The following TMEM266 variants were observed in gnomAD, a reference collection of about 807,000 sequenced individuals.
The protein encoded by TMEM266 is Hv1 related protein 1.
A neutral mutation model predicts 50.5 loss-of-function variants in TMEM266; 33 were observed. The observed-to-expected ratio is 0.65, with a 90% CI of 0.50 to 0.87. The LOEUF (loss-of-function observed/expected upper bound fraction) is 0.87. Ranked by LOEUF, TMEM266 falls within the 40% of genes least tolerant of loss-of-function variation. TMEM266 has a pLI of 0.00. For synonymous variants in TMEM266, 310 were observed against 292.3 expected (o/e 1.06, Z -0.62); for missense variants, 655 against 695.1 (o/e 0.94, Z 0.65).
intron 1 of TMEM266, among the ~76,000 whole-genome samples, chr15:76,130,826 T>A (rs1022708022): frequency 1.3e-5 from 2 of 152,136 alleles, no homozygotes; most frequent in Non-Finnish European, 2.9e-5. Flanking sequence ...AAAGTTAAAT[T>A]AAAAAAAATT....
intron 3 of TMEM266, among the ~76,000 whole-genome samples, chr15:76,148,646 G>T (rs1367703770): frequency 2.0e-5 from 3 of 152,144 alleles, no homozygotes; most frequent in Admixed American, 6.5e-5. Flanking sequence ...CCCCAAGAAG[G>T]GACAGCCAAT....
chr15:76,112,318 A>G (rs1360296155), intron 1 of TMEM266, among the ~76,000 whole-genome samples: 2 of 152,254 alleles, frequency 1.3e-5, no homozygotes, highest in South Asian at 2.1e-4. Flanking sequence ...CAATGTATCA[A>G]TATTGGTTCA....
chr15:76,127,016 A>T (rs963896893), intron 1 of TMEM266, among the ~76,000 whole-genome samples: 1 of 152,182 alleles, frequency 6.6e-6, no homozygotes, highest in Non-Finnish European at 1.5e-5. Flanking sequence ...TGTGACTAAT[A>T]ATGGTTAATA....
At chr15:76,171,696 G>T (rs1376315552) in intron 7 of TMEM266, among the ~76,000 whole-genome samples, 2 of 152,222 alleles carry the variant, frequency 1.3e-5, no homozygotes, top group Non-Finnish European at 2.9e-5. Context: ...GTCATCTTTA[G>T]TGACGTGCCT....
chr15:76,088,199 T>A (rs2047415), intron 1 of TMEM266, among the ~76,000 whole-genome samples: 125,686 of 152,210 alleles, frequency 0.83, 52,006 homozygotes, highest in Admixed American at 0.87. Context: ...GATACCAATA[T>A]GTAAAACATA....
intron 8 of TMEM266, among the ~76,000 whole-genome samples, chr15:76,182,421 G>A (rs2038428202): frequency 6.6e-6 from 1 of 151,970 alleles, no homozygotes; most frequent in Non-Finnish European, 1.5e-5. Context: ...CAGATCACGA[G>A]GTCAGGAGGT....
intron 1 of TMEM266, among the ~76,000 whole-genome samples, chr15:76,103,762 A>C (rs938446248): frequency 2.7e-5 from 4 of 147,320 alleles, no homozygotes; most frequent in African/African-American, 9.7e-5. Flanking sequence ...AAATACAAAA[A>C]TTAGCTGGGC....
intron 8 of TMEM266, among the ~76,000 whole-genome samples, chr15:76,181,836 G>C (rs147933155): frequency 7.9e-5 from 12 of 152,242 alleles, no homozygotes; most frequent in African/African-American, 1.9e-4. Context: ...GTGGGATCTC[G>C]CTCTAGTTCC....
chr15:76,162,530 C>T (rs1299051925), intron 5 of TMEM266, among the ~76,000 whole-genome samples: 3 of 152,174 alleles, frequency 2.0e-5, no homozygotes, highest in East Asian at 1.9e-4. Context: ...GCTCAGTGTC[C>T]GTCAGTGGTG....
chr15:76,128,552 C>T (rs554673465), intron 1 of TMEM266, among the ~76,000 whole-genome samples: 14 of 152,284 alleles, frequency 9.2e-5, no homozygotes, highest in African/African-American at 2.2e-4. Context: ...GTTGGCACTT[C>T]GGATGTTCAT....
At position 76,079,068 on chromosome 15, in the gene TMEM266, CAG is replaced by C. The variant is rs1173959907; in HGVS notation, c.-97+19053_-97+19054del. On this transcript the variant is annotated intron_variant, in intron 1 of 10. Coordinates refer to ENST00000388942, the MANE Select transcript of TMEM266 (RefSeq NM_152335.3). ...TTCGTATTCTGAGCTCAGAAGGTCA[CAG>C]GGGATGTGCACGTGGCTCACGCCTA... is the stretch of plus-strand genomic sequence containing the variant. Among the ~76,000 whole-genome samples the C allele has an allele frequency of 2.0e-5, 3 of 152,214 alleles. No individual in the cohort carries two copies. In the East Asian group the frequency reaches 5.8e-4, roughly 29 times the overall value.
chr15:76,171,831 GT>G (rs1260498498), intron 7 of TMEM266, among the ~76,000 whole-genome samples: 3 of 152,226 alleles, frequency 2.0e-5, no homozygotes, highest in Non-Finnish European at 4.4e-5. Flanking sequence ...TGGCTCCTGT[GT>G]TTCCAGAAGG....
At chr15:76,148,386 G>A (rs896785148) in intron 3 of TMEM266, among the ~76,000 whole-genome samples, 9 of 152,172 alleles carry the variant, frequency 5.9e-5, no homozygotes, top group African/African-American at 2.2e-4. Context: ...TCACCCGGTA[G>A]GAAGCTGACC....
chr15:76,136,058 C>A (rs1383338005), intron 2 of TMEM266, among the ~76,000 whole-genome samples: 2 of 152,120 alleles, frequency 1.3e-5, no homozygotes, highest in Non-Finnish European at 2.9e-5. Context: ...ATTCTCCTGC[C>A]TCAGCCTCCC....
intron 1 of TMEM266, among the ~76,000 whole-genome samples, chr15:76,130,413 C>T (rs1046166045): frequency 9.9e-5 from 15 of 152,136 alleles, no homozygotes; most frequent in East Asian, 3.9e-4. Flanking sequence ...TGGCGGCACA[C>T]GCCTGTAATC....
intron 1 of TMEM266, among the ~76,000 whole-genome samples, chr15:76,082,099 C>T (rs577413025): frequency 2.2e-4 from 33 of 152,288 alleles, no homozygotes; most frequent in African/African-American, 7.7e-4. Context: ...AAACTCAAGT[C>T]ATGTCTTTGC....
chr15:76,199,762 G>GTCACTCCC (rs2038713778), intron 9 of TMEM266, among the ~76,000 whole-genome samples: 1 of 148,542 alleles, frequency 6.7e-6, no homozygotes, highest in East Asian at 2.1e-4. Context: ...GTAAACACTA[G>GTCACTCCC]TCCCTCCCTC....
At chr15:76,104,034 C>T (rs1449195010) in intron 1 of TMEM266, among the ~76,000 whole-genome samples, 3 of 151,576 alleles carry the variant, frequency 2.0e-5, no homozygotes, top group East Asian at 1.9e-4. Flanking sequence ...GATGAAACCC[C>T]GTCTCTACTA....
chr15:76,162,114 G>A (rs34482917), intron 5 of TMEM266, among the ~76,000 whole-genome samples: 17,933 of 152,178 alleles, frequency 0.12, 1,476 homozygotes, highest in Admixed American at 0.23. Context: ...CCAGGGAAGG[G>A]CTGGGTCCTC....
Sources: gnomAD v4.1 joint callset for allele counts (sites outside exome capture counted in the v4.1 genomes callset) on GRCh38, gnomAD v4.1.1 for gene constraint, MANE v1.5 for transcripts, NCBI Gene and HGNC (gene_info 2026-07-23, HGNC 2026-07-21) for gene names.